RBM27: variants seen among roughly 807,000 people sequenced by gnomAD.
The protein encoded by RBM27 is RNA binding motif protein 27.
Under a neutral mutation model 135.3 loss-of-function variants are expected in RBM27, and 22 were observed. The ratio of observed to expected loss-of-function variants is 0.16; its 90% CI spans 0.12 to 0.23. RBM27 has a LOEUF of 0.23. Ranked by LOEUF, RBM27 falls within the 10% of genes least tolerant of loss-of-function variation. The pLI is 1.00. For synonymous variants in RBM27, 481 were observed against 442.4 expected (o/e 1.09, Z -1.10); for missense variants, 1,009 against 1,281.0 (o/e 0.79, Z 3.24).
chr5:146,238,337 C>G (rs559544911), intron 8 of RBM27, among the ~76,000 whole-genome samples: 2 of 152,120 alleles, frequency 1.3e-5, no homozygotes, highest in East Asian at 3.9e-4. Flanking sequence ...GGAGAAAACC[C>G]GTCTCTACTA....
intron 1 of RBM27, among the ~76,000 whole-genome samples, chr5:146,215,271 A>G (rs1273310883): frequency 6.6e-6 from 1 of 152,048 alleles, no homozygotes; most frequent in Non-Finnish European, 1.5e-5. Flanking sequence ...GCTGATCTTG[A>G]TCTGCTGACC....
intron 2 of RBM27, among the ~76,000 whole-genome samples, chr5:146,222,071 T>C (rs1756482865): frequency 6.6e-6 from 1 of 152,188 alleles, no homozygotes; most frequent in African/African-American, 2.4e-5. Flanking sequence ...TGTTATAAAT[T>C]GTTTTAAATA....
At chr5:146,262,039 A>G (rs1269520449) in intron 13 of RBM27, among the ~76,000 whole-genome samples, 1 of 152,178 alleles carries the variant, frequency 6.6e-6, no homozygotes, top group Non-Finnish European at 1.5e-5. Context: ...GTGGGGCCCA[A>G]GGATTTGTGT....
chr5:146,249,516 TC>T (rs1234412024), intron 8 of RBM27, among the ~76,000 whole-genome samples: 2 of 151,320 alleles, frequency 1.3e-5, no homozygotes, highest in Non-Finnish European at 2.9e-5. Flanking sequence ...TGAAACCCCG[TC>T]CCTACTAAAA....
intron 19 of RBM27, among the ~76,000 whole-genome samples, chr5:146,279,921 A>T (rs540140929): frequency 6.6e-6 from 1 of 152,130 alleles, no homozygotes; most frequent in African/African-American, 2.4e-5. Context: ...GAAAAATACT[A>T]TGTATGTAAG....
At chr5:146,237,731 A>G (rs1757232289) in intron 8 of RBM27, among the ~76,000 whole-genome samples, 1 of 152,174 alleles carries the variant, frequency 6.6e-6, no homozygotes, top group Non-Finnish European at 1.5e-5. Context: ...TCTGTCACCC[A>G]GGCTGGAGTG....
Position 146,271,532 on chromosome 5 carries a change from C to G in RBM27, c.2846C>G (p.Ser949Cys), listed in dbSNP as rs781659521. ...LPVGRGKTMS[S>C]QGRGRGRGRG... ...GTGGGTCGAGGAAAGACCATGTCCT[C>G]TCAAGGTCGAGGAAGAGGCCGAGGG... Residue 949 changes from serine to cysteine, a missense_variant, in exon 19 of 21, where the codon TCT (serine) becomes TGT (cysteine). This residue lies in a region of RBM27 where 355 missense variants were observed against 427.3 expected (regional missense o/e 0.83). Transcript: ENST00000265271. 3 of 1,613,726 alleles carry G rather than the reference C, an allele frequency of 1.9e-6. 1 individual carries two copies. The South Asian group carries it at 3.3e-5, about 18-fold the overall frequency.
chr5:146,224,588 A>C (rs1756586623), intron 3 of RBM27, among the ~76,000 whole-genome samples: 1 of 152,104 alleles, frequency 6.6e-6, no homozygotes, highest in African/African-American at 2.4e-5. Context: ...AGGCTGAGGC[A>C]GGAGAATCGC....
At chr5:146,267,555 T>C in intron 14 of RBM27, 94 bp from the exon 15 acceptor site, 1 of 789,906 alleles carries the variant, frequency 1.3e-6, no homozygotes, top group Non-Finnish European at 2.0e-6. Context: ...CTAAGAAGAG[T>C]AGAAATATAT....
intron 7 of RBM27, among the ~76,000 whole-genome samples, chr5:146,236,029 T>C (rs1384363527): frequency 6.6e-6 from 1 of 152,146 alleles, no homozygotes; most frequent in Non-Finnish European, 1.5e-5. Context: ...AACAGTATAA[T>C]TGTGAAGCTC....
At chr5:146,249,293 C>G (rs1353574762) in intron 8 of RBM27, among the ~76,000 whole-genome samples, 1 of 152,088 alleles carries the variant, frequency 6.6e-6, no homozygotes, top group African/African-American at 2.4e-5. Flanking sequence ...CCATTTTTCT[C>G]TTTAACATAC....
At chr5:146,219,718 G>A (rs1048427490) in intron 2 of RBM27, among the ~76,000 whole-genome samples, 2 of 151,740 alleles carry the variant, frequency 1.3e-5, no homozygotes, top group Non-Finnish European at 2.9e-5. Context: ...TTTTACCCTT[G>A]CCTGAAACAT....
At chr5:146,257,128 A>C (rs753847594) in intron 10 of RBM27, among the ~76,000 whole-genome samples, 1 of 152,256 alleles carries the variant, frequency 6.6e-6, no homozygotes, top group South Asian at 2.1e-4. Context: ...CTAAACGTTA[A>C]GTGAATGAAT....
At chr5:146,206,683 C>T (rs977252828) in intron 1 of RBM27, among the ~76,000 whole-genome samples, 8 of 151,982 alleles carry the variant, frequency 5.3e-5, no homozygotes, top group African/African-American at 9.7e-5. Flanking sequence ...TGGGTTCAAG[C>T]GATTCTCCTG....
At chr5:146,217,307 G>A (rs754809034) in intron 1 of RBM27, among the ~76,000 whole-genome samples, 1 of 152,078 alleles carries the variant, frequency 6.6e-6, no homozygotes, top group Non-Finnish European at 1.5e-5. Context: ...TCCCATGACA[G>A]TGTTAATATT....
Position 146,261,853 on chromosome 5 carries a change from A to AG in RBM27, c.2190+48dup, listed in dbSNP as rs780576344. ...TAAAGGTCTTTTAGTTACACCCTCT[A>AG]GATCAGTATTTTTCAATTCCTGGTC... On this transcript the variant is annotated intron_variant, in intron 13 of 20. Coordinates refer to ENST00000265271, the MANE Select transcript of RBM27 (RefSeq NM_018989.2). 3.3e-5 allele frequency: 52 copies of AG among 1,592,980 alleles called. 2 individuals carry two copies. In the Middle Eastern group the frequency reaches 7.6e-4, roughly 23 times the overall value.
chr5:146,250,864 C>T (rs1757855241), intron 8 of RBM27, among the ~76,000 whole-genome samples: 3 of 149,908 alleles, frequency 2.0e-5, no homozygotes, highest in Admixed American at 6.7e-5. Flanking sequence ...GCAACCTCCA[C>T]CTCCCGGGTT....
intron 19 of RBM27, among the ~76,000 whole-genome samples, chr5:146,276,216 G>A (rs967664200): frequency 2.1e-5 from 3 of 145,850 alleles, no homozygotes; most frequent in African/African-American, 2.5e-5. Context: ...TTATTTTTTT[G>A]TTACGGATTT....
Position 146,281,516 on chromosome 5 carries a change from A to G in RBM27, c.2989-3106A>G, listed in dbSNP as rs565040156. Among the ~76,000 whole-genome samples, 16 of 152,340 alleles carry G rather than the reference A, an allele frequency of 1.1e-4. No individual in the cohort carries two copies. In the East Asian group the frequency reaches 2.7e-3, roughly 26 times the overall value. On this transcript the variant is annotated intron_variant, in intron 19 of 20. Coordinates refer to ENST00000265271, the MANE Select transcript of RBM27 (RefSeq NM_018989.2). The stretch of plus-strand genomic sequence containing the variant: ...GAAGAATAATTGTCTTGGGCCACAC[A>G]TAAAATACACTAACACTAATGATAC...
Sources: allele counts gnomAD v4.1 joint callset (sites outside exome capture counted in the v4.1 genomes callset), GRCh38; gene constraint gnomAD v4.1.1; regional missense constraint gnomAD v4.1.1; transcripts MANE v1.5; gene names NCBI Gene and HGNC (gene_info 2026-07-23, HGNC 2026-07-21).